Variants in COL4A1 observed in about 807,000 individuals in gnomAD.
COL4A1 encodes collagen type IV alpha 1 chain.
Under a neutral mutation model 216.6 loss-of-function variants are expected in COL4A1, and 40 were observed. The ratio of observed to expected loss-of-function variants is 0.18; its 90% CI spans 0.14 to 0.24. The LOEUF (loss-of-function observed/expected upper bound fraction) is 0.24. COL4A1 is among the 10% of genes least tolerant of loss of function. The pLI, the probability that COL4A1 is intolerant of heterozygous loss-of-function variation, is 1.00. For missense variants in COL4A1, 1,628 were observed against 2,196.8 expected (o/e 0.74, Z 5.18); for synonymous variants, 839 against 810.7 (o/e 1.03, Z -0.59).
chr13:110,266,019 G>C (rs945651356), intron 1 of COL4A1: 1 of 152,222 alleles, frequency 6.6e-6, no homozygotes, highest in Non-Finnish European at 1.5e-5. Context: ...TGGCCACCAC[G>C]TGGAGACAGA....
At chr13:110,220,589 T>G (rs1880425820) in intron 2 of COL4A1, among the ~76,000 whole-genome samples, 1 of 152,212 alleles carries the variant, frequency 6.6e-6, no homozygotes, top group Non-Finnish European at 1.5e-5. Context: ...AGAGCTGTTC[T>G]ATTTCTAGGA....
At chr13:110,287,785 C>T (rs375598615) in intron 1 of COL4A1, among the ~76,000 whole-genome samples, 12 of 152,224 alleles carry the variant, frequency 7.9e-5, no homozygotes, top group Middle Eastern at 3.2e-3. Context: ...CCAAGAGAAA[C>T]GTTTCCTTTC....
chr13:110,263,511 T>C (rs2139280324), intron 1 of COL4A1, among the ~76,000 whole-genome samples: 1 of 152,326 alleles, frequency 6.6e-6, no homozygotes, highest in South Asian at 2.1e-4. Context: ...TGGAGTGCAG[T>C]GCTGTAGTTG....
intron 1 of COL4A1, among the ~76,000 whole-genome samples, chr13:110,245,386 C>A (rs1253998776): frequency 6.6e-6 from 1 of 152,174 alleles, no homozygotes; most frequent in South Asian, 2.1e-4. Context: ...CCTACAGATA[C>A]CAAAAGGAAA....
rs575253533 is a variant in COL4A1, at chr13:110,261,036, C to CAAA, written c.85-18305_85-18303dup. Reference sequence around the variant, plus strand: ...TGGGTGACAGAGCGAGACTCCGTCTCAAAAAAAAAAAAAAAAAAGGCCAAA... The same window carrying CAAA: ...TGGGTGACAGAGCGAGACTCCGTCTCAAAAAAAAAAAAAAAAAAAAAGGCCAAA... On this transcript the variant is annotated intron_variant, in intron 1 of 51. Coordinates refer to ENST00000375820, the MANE Select transcript of COL4A1 (RefSeq NM_001845.6). Among the ~76,000 whole-genome samples, 155 of 83,444 alleles carry CAAA rather than the reference C, an allele frequency of 1.9e-3. 13 individuals carry two copies. The East Asian group carries it at 0.026, about 14-fold the overall frequency. The allele number at this position is 83,444 out of a possible 152,430, so 54.7% of individuals were successfully genotyped here. A position where few individuals can be genotyped will look rare whatever the true frequency, so the allele number is the denominator to read the frequency against.
At chr13:110,224,887 G>A (rs925478493) in intron 2 of COL4A1, among the ~76,000 whole-genome samples, 2 of 151,728 alleles carry the variant, frequency 1.3e-5, no homozygotes, top group African/African-American at 4.8e-5. Context: ...TCTTTTTTTG[G>A]TCTGTGATAA....
intron 4 of COL4A1, among the ~76,000 whole-genome samples, chr13:110,213,312 C>T (rs1879908800): frequency 6.6e-6 from 1 of 152,168 alleles, no homozygotes; most frequent in Admixed American, 6.5e-5. Flanking sequence ...GACTGCTGAT[C>T]CCTTCAAACA....
chr13:110,262,945 G>A (rs1395844276), intron 1 of COL4A1, among the ~76,000 whole-genome samples: 1 of 152,208 alleles, frequency 6.6e-6, no homozygotes, highest in Non-Finnish European at 1.5e-5. Flanking sequence ...GACCTCGTGA[G>A]CTTAGAGGAG....
In COL4A1 at chr13:110,268,014, CAA is replaced by C. The variant is rs34030038; in HGVS notation, c.85-25282_85-25281del. 2.0e-5 allele frequency among the ~76,000 whole-genome samples: 3 copies of C among 150,124 alleles called. No individual in the cohort carries two copies. The highest frequency in any genetic ancestry group is 3.0e-5 in the Non-Finnish European group (2 of 67,574). ...ACACCTAGAACACAGCTGCCCCCCT[CAA>C]AAAAAAAATACAGAAAAAAGAAACT... On this transcript the variant is annotated intron_variant, in intron 1 of 51. Coordinates refer to ENST00000375820, the MANE Select transcript of COL4A1 (RefSeq NM_001845.6). The surrounding 1 kb of genome is among the most constrained non-coding windows in gnomAD (Gnocchi z 4.1).
chr13:110,249,366 G>A (rs978627100), intron 1 of COL4A1, among the ~76,000 whole-genome samples: 20 of 152,102 alleles, frequency 1.3e-4, no homozygotes, highest in Non-Finnish European at 7.3e-5. Flanking sequence ...GCTTAAGCCT[G>A]TTCACAGCAG....
Position 110,212,752 on chromosome 13 carries a change from T to C in COL4A1, c.280-134A>G. The C allele has an allele frequency of 3.9e-6, 4 of 1,029,694 alleles. No individual in the cohort carries two copies. In the South Asian group the frequency reaches 5.5e-5, roughly 14 times the overall value. 63.8% of individuals were successfully genotyped at this position (1,029,694 alleles called of 1,614,324 possible). On this transcript the variant is annotated intron_variant, in intron 4 of 51. Coordinates refer to ENST00000375820, the MANE Select transcript of COL4A1 (RefSeq NM_001845.6). ...CACACACAAAGCAGACAGAGCACTC[T>C]GCACAAGAGGCAGCAGAGGGCACAG...
chr13:110,235,342 T>C (rs1159297444), intron 2 of COL4A1, among the ~76,000 whole-genome samples: 1 of 152,134 alleles, frequency 6.6e-6, no homozygotes, highest in Non-Finnish European at 1.5e-5. Context: ...TAATATTCTG[T>C]TAAAAACAGC....
At chr13:110,235,987 C>G (rs1881300656) in intron 2 of COL4A1, among the ~76,000 whole-genome samples, 1 of 152,118 alleles carries the variant, frequency 6.6e-6, no homozygotes, top group South Asian at 2.1e-4. Flanking sequence ...CAGTCCCTGT[C>G]TCAAAAAGGA....
intron 2 of COL4A1, among the ~76,000 whole-genome samples, chr13:110,215,634 G>T (rs1315881774): frequency 1.3e-5 from 2 of 152,004 alleles, no homozygotes; most frequent in African/African-American, 4.8e-5. Context: ...ACAGCATGTG[G>T]ACTTCAGTGC....
chr13:110,229,756 C>T (rs1880929384), intron 2 of COL4A1, among the ~76,000 whole-genome samples: 1 of 152,232 alleles, frequency 6.6e-6, no homozygotes, highest in African/African-American at 2.4e-5. Flanking sequence ...TTCCAGCCTC[C>T]AGCACGGGAG....
At chr13:110,295,515 TC>T (rs2139316877) in intron 1 of COL4A1, among the ~76,000 whole-genome samples, 1 of 135,196 alleles carries the variant, frequency 7.4e-6, no homozygotes, top group South Asian at 2.6e-4. Context: ...AACCTCCACC[TC>T]CCCCATTCAA....
intron 1 of COL4A1, among the ~76,000 whole-genome samples, chr13:110,270,691 C>T (rs1019894307): frequency 1.3e-5 from 2 of 152,196 alleles, no homozygotes; most frequent in African/African-American, 4.8e-5. Context: ...ACACACGTGC[C>T]ATGGCTGGGG....
intron 50 of COL4A1, among the ~76,000 whole-genome samples, chr13:110,152,890 G>C (rs1415953657): frequency 6.6e-6 from 1 of 152,194 alleles, no homozygotes; most frequent in Admixed American, 6.5e-5. Flanking sequence ...AACTGATGTG[G>C]AATCAGACTT....
intron 2 of COL4A1, among the ~76,000 whole-genome samples, chr13:110,224,948 TTAA>T (rs1405900768): frequency 6.6e-6 from 1 of 152,188 alleles, no homozygotes; most frequent in Non-Finnish European, 1.5e-5. Context: ...AGAATTATAG[TTAA>T]TAATACAAAA....
Sources: gnomAD v4.1 joint callset for allele counts (sites outside exome capture counted in the v4.1 genomes callset) on GRCh38, gnomAD v4.1.1 for gene constraint, Gnocchi (gnomAD v3.1) non-coding constraint, MANE v1.5 for transcripts, NCBI Gene and HGNC (gene_info 2026-07-23, HGNC 2026-07-21) for gene names.